GRIK2: variants seen among roughly 807,000 people sequenced by gnomAD.
The protein encoded by GRIK2 is glutamate ionotropic receptor kainate type subunit 2.
Under a neutral mutation model 100.3 loss-of-function variants are expected in GRIK2, and 32 were observed. The ratio of observed to expected loss-of-function variants is 0.32; its 90% CI spans 0.24 to 0.43. The LOEUF is 0.43. GRIK2 is among the 20% of genes least tolerant of loss of function. GRIK2 has a pLI of 1.00. For missense variants in GRIK2, 843 were observed against 1,114.9 expected, an observed-to-expected ratio of 0.76 and a Z score of 3.47; for synonymous variants, 417 against 389.4, an observed-to-expected ratio of 1.07 and a Z score of -0.83.
At chr6:101,851,119 C>G (rs1471189548) in intron 10 of GRIK2, among the ~76,000 whole-genome samples, 1 of 152,026 alleles carries the variant, frequency 6.6e-6, no homozygotes, top group Admixed American at 6.6e-5. Flanking sequence ...AAGATGCACT[C>G]AGACCACAAA....
intron 10 of GRIK2, among the ~76,000 whole-genome samples, chr6:101,850,495 A>G (rs567526742): frequency 1.3e-5 from 2 of 152,176 alleles, no homozygotes; most frequent in South Asian, 4.1e-4. Context: ...TTAACATATG[A>G]AAAAGATAAT....
chr6:101,673,253 ACCAATG>A (rs1770573756), intron 4 of GRIK2, among the ~76,000 whole-genome samples: 1 of 152,220 alleles, frequency 6.6e-6, no homozygotes, highest in Non-Finnish European at 1.5e-5. Flanking sequence ...AAACATATGA[ACCAATG>A]CTCAATATCA....
chr6:101,598,604 A>AG (rs1247150684), intron 2 of GRIK2, among the ~76,000 whole-genome samples: 319 of 143,514 alleles, frequency 2.2e-3, no homozygotes, highest in African/African-American at 6.0e-3. Flanking sequence ...AAAAAAAAAA[A>AG]AAAAAAAGAA....
chr6:101,498,317 G>A (rs189880109), intron 2 of GRIK2, among the ~76,000 whole-genome samples: 187 of 151,984 alleles, frequency 1.2e-3, no homozygotes, highest in Non-Finnish European at 1.7e-3. Flanking sequence ...GAATAGTGAC[G>A]CAATAAACAT....
At chr6:101,620,486 C>G (rs1245197245) in intron 2 of GRIK2, among the ~76,000 whole-genome samples, 1 of 152,092 alleles carries the variant, frequency 6.6e-6, no homozygotes, top group Non-Finnish European at 1.5e-5. Context: ...CCTCACCCCT[C>G]TAGTCTATTC....
intron 11 of GRIK2, among the ~76,000 whole-genome samples, chr6:101,885,253 A>C (rs1303487629): frequency 6.6e-6 from 1 of 152,138 alleles, no homozygotes; most frequent in Non-Finnish European, 1.5e-5. Flanking sequence ...ATTAATGTGG[A>C]TAGAGTATTC....
intron 10 of GRIK2, among the ~76,000 whole-genome samples, chr6:101,849,361 C>T (rs1321513609): frequency 6.6e-6 from 1 of 152,010 alleles, no homozygotes; most frequent in African/African-American, 2.4e-5. Flanking sequence ...GTGTGACTGT[C>T]CCCTCTGCAT....
intron 2 of GRIK2, among the ~76,000 whole-genome samples, chr6:101,591,542 CAA>C (rs1778639811): frequency 6.6e-6 from 1 of 151,884 alleles, no homozygotes; most frequent in Non-Finnish European, 1.5e-5. Flanking sequence ...TTTCTTCTCT[CAA>C]GACTATTTTT....
chr6:101,988,180 C>T (rs1017968105), intron 14 of GRIK2, among the ~76,000 whole-genome samples: 1 of 147,412 alleles, frequency 6.8e-6, no homozygotes, highest in African/African-American at 2.5e-5. Flanking sequence ...AGAGCATTCT[C>T]ATGAGTATGT....
chr6:101,850,981 A>G (rs1481621916), intron 10 of GRIK2, among the ~76,000 whole-genome samples: 1 of 152,086 alleles, frequency 6.6e-6, no homozygotes, highest in African/African-American at 2.4e-5. Flanking sequence ...TCATAACTTG[A>G]TGTAAAACTA....
At chr6:101,529,391 T>C (rs1474502036) in intron 2 of GRIK2, among the ~76,000 whole-genome samples, 1 of 152,122 alleles carries the variant, frequency 6.6e-6, no homozygotes, top group Non-Finnish European at 1.5e-5. Flanking sequence ...AATTGCTTTA[T>C]GAGAAATTGC....
In GRIK2 at chr6:101,738,786, A is replaced by G. The variant is rs191685420; in HGVS notation, c.951+52433A>G. Among the ~76,000 whole-genome samples, 275 of 152,294 alleles carry G rather than the reference A, an allele frequency of 1.8e-3. 2 individuals are homozygous for G. Among genetic ancestry groups the G allele is most frequent in the African/African-American group, 6.0e-3 (248 of 41,582 alleles). ...ACCTAATATACGCTGATAGGGCCCA[A>G]ATAAATGTCTCTTGGGTGGCAAAAT... is the stretch of plus-strand genomic sequence containing the variant. On this transcript the variant is annotated intron_variant, in intron 7 of 16. Transcript: ENST00000369134.
intron 7 of GRIK2, among the ~76,000 whole-genome samples, chr6:101,769,368 A>G (rs1778257731): frequency 6.6e-6 from 1 of 152,204 alleles, no homozygotes; most frequent in South Asian, 2.1e-4. Context: ...ACTAAAGGAT[A>G]TACAATTGCA....
In GRIK2 at chr6:101,805,049, C is replaced by T. The variant is rs551211735; in HGVS notation, c.1203+2611C>T. Among the ~76,000 whole-genome samples, 43 of 151,974 alleles carry T rather than the reference C, an allele frequency of 2.8e-4. No homozygotes were observed. The East Asian group carries it at 3.3e-3, about 12-fold the overall frequency. On this transcript the variant is annotated intron_variant, in intron 9 of 16. Coordinates refer to ENST00000369134, the MANE Select transcript of GRIK2 (RefSeq NM_021956.5). Reference sequence around the variant, plus strand: ...ATTTATTAATCTCTCTAAAACACAGCGTCTTACACTGAATCATGAGGCAAC... The same window carrying T: ...ATTTATTAATCTCTCTAAAACACAGTGTCTTACACTGAATCATGAGGCAAC...
intron 14 of GRIK2, among the ~76,000 whole-genome samples, chr6:102,013,349 T>A (rs1203037611): frequency 6.6e-6 from 1 of 152,186 alleles, no homozygotes; most frequent in Non-Finnish European, 1.5e-5. Flanking sequence ...AATGCAGAGC[T>A]TTCTAGATAT....
chr6:101,417,669 AGCCTTTGAGAG>A (rs1381957676), intron 2 of GRIK2, among the ~76,000 whole-genome samples: 2 of 152,206 alleles, frequency 1.3e-5, no homozygotes, highest in Non-Finnish European at 1.5e-5. Context: ...GCCGTATGTT[AGCCTTTGAGAG>A]GCTTTTGCAA....
chr6:101,631,337 T>C (rs1182924014), intron 4 of GRIK2, among the ~76,000 whole-genome samples: 1 of 152,174 alleles, frequency 6.6e-6, no homozygotes, highest in Non-Finnish European at 1.5e-5. Context: ...TCTTTGTTTA[T>C]AGATCAGCAG....
At chr6:101,480,625 T>A (rs1772478488) in intron 2 of GRIK2, among the ~76,000 whole-genome samples, 1 of 152,192 alleles carries the variant, frequency 6.6e-6, no homozygotes, top group Admixed American at 6.5e-5. Context: ...TGGAAATCCT[T>A]GTGCCAGCTG....
Position 101,399,183 on chromosome 6 carries a change from G to A in GRIK2, c.-95G>A, listed in dbSNP as rs1264954289. The A allele has an allele frequency of 1.5e-5, 11 of 742,336 alleles. No individual in the cohort carries two copies. The highest frequency in any genetic ancestry group is 2.5e-5 in the Non-Finnish European group (10 of 400,382). The allele number at this position is 742,336 out of a possible 1,614,324, so 46.0% of individuals were successfully genotyped here. On this transcript the variant is annotated 5_prime_UTR_variant, in exon 2 of 17. Transcript: ENST00000369134. ...ATGACCATGCCGTGATCGTGTCTGC[G>A]GTCACCACTCGACGCATCCTCATTT...
Sources: gnomAD v4.1 joint callset for allele counts (sites outside exome capture counted in the v4.1 genomes callset) on GRCh38, gnomAD v4.1.1 for gene constraint, MANE v1.5 for transcripts, NCBI Gene and HGNC (gene_info 2026-07-23, HGNC 2026-07-21) for gene names.